SLC4A4: variants seen among roughly 807,000 people sequenced by gnomAD.
The protein encoded by SLC4A4 is solute carrier family 4 member 4.
In SLC4A4, 27 loss-of-function variants were observed where a neutral mutation model predicts 111.5. The ratio of observed to expected loss-of-function variants is 0.24; its 90% CI spans 0.18 to 0.33. The LOEUF (loss-of-function observed/expected upper bound fraction) is 0.33. Ranked by LOEUF, SLC4A4 falls within the 10% of genes least tolerant of loss-of-function variation. SLC4A4 has a pLI of 1.00. For missense variants in SLC4A4, 909 were observed against 1,315.5 expected (o/e 0.69, Z 4.78); for synonymous variants, 443 against 463.4 (o/e 0.96, Z 0.57).
intron 2 of SLC4A4, among the ~76,000 whole-genome samples, chr4:71,094,720 A>G (rs1377261952): frequency 6.6e-6 from 1 of 152,084 alleles, no homozygotes; most frequent in Non-Finnish European, 1.5e-5. Context: ...ACCATTTCAC[A>G]CTTTTGGGGG....
At chr4:71,256,242 G>C (rs1361002630) in intron 3 of SLC4A4, among the ~76,000 whole-genome samples, 3 of 152,190 alleles carry the variant, frequency 2.0e-5, no homozygotes, top group African/African-American at 7.2e-5. Context: ...CTTTGCTACA[G>C]TTGCAGAAAT....
chr4:71,259,734 G>A (rs1721710935), intron 3 of SLC4A4, among the ~76,000 whole-genome samples: 1 of 152,104 alleles, frequency 6.6e-6, no homozygotes, highest in African/African-American at 2.4e-5. Context: ...TGGAAACACA[G>A]CATACCTTCC....
chr4:71,429,604 T>C (rs1473377476), intron 7 of SLC4A4, among the ~76,000 whole-genome samples: 1 of 152,116 alleles, frequency 6.6e-6, no homozygotes, highest in Admixed American at 6.6e-5. Context: ...ACAAAATCAG[T>C]GAACTAGTCA....
At chr4:71,539,688 G>T (rs900853088) in intron 18 of SLC4A4, among the ~76,000 whole-genome samples, 2 of 152,144 alleles carry the variant, frequency 1.3e-5, no homozygotes, top group East Asian at 1.9e-4. Context: ...TTACTCTGTG[G>T]CACAGATCAC....
chr4:71,234,448 C>T (rs180823442), intron 1 of SLC4A4, among the ~76,000 whole-genome samples: 38 of 152,204 alleles, frequency 2.5e-4, no homozygotes, highest in Admixed American at 6.5e-4. Context: ...TTTTTTGAGA[C>T]GGAGTCTCAC....
intron 6 of SLC4A4, among the ~76,000 whole-genome samples, chr4:71,396,481 A>G (rs1188712452): frequency 1.3e-5 from 2 of 152,208 alleles, no homozygotes; most frequent in African/African-American, 4.8e-5. Flanking sequence ...TTTGGAAGCA[A>G]ATGTGAAGCT....
intron 21 of SLC4A4, among the ~76,000 whole-genome samples, chr4:71,556,789 G>A (rs1736511215): frequency 6.6e-6 from 1 of 151,918 alleles, no homozygotes. Flanking sequence ...CTTTAAGTAG[G>A]AAATCACTAG....
At chr4:71,322,656 A>C (rs1727205476) in intron 3 of SLC4A4, among the ~76,000 whole-genome samples, 1 of 152,024 alleles carries the variant, frequency 6.6e-6, no homozygotes, top group Non-Finnish European at 1.5e-5. Context: ...GTGATTCATC[A>C]TGTAAACCTT....
At chr4:71,165,520 AG>A (rs1744720443) in intron 2 of SLC4A4, among the ~76,000 whole-genome samples, 1 of 152,088 alleles carries the variant, frequency 6.6e-6, no homozygotes, top group African/African-American at 2.4e-5. Flanking sequence ...ACATGGACAC[AG>A]GGAGGCGAAC....
Position 71,362,418 on chromosome 4 carries a change from A to G in SLC4A4, c.730+5231A>G, listed in dbSNP as rs141667904. 3.2e-3 allele frequency among the ~76,000 whole-genome samples: 487 copies of G among 152,354 alleles called. 5 individuals are homozygous for G. Among genetic ancestry groups the G allele is most frequent in the East Asian group, 0.018 (93 of 5,182 alleles). On this transcript the variant is annotated intron_variant, in intron 6 of 25. Transcript: ENST00000264485. ...ATGAAAAGTAAGAAGAAATGTATAAAATGTTTAGAGTGGTAACTGGCACAT... is the reference window on the plus strand; with the variant it reads ...ATGAAAAGTAAGAAGAAATGTATAAGATGTTTAGAGTGGTAACTGGCACAT...
chr4:71,241,351 G>A (rs957102337), intron 2 of SLC4A4, among the ~76,000 whole-genome samples: 1 of 152,024 alleles, frequency 6.6e-6, no homozygotes, highest in Non-Finnish European at 1.5e-5. Context: ...TTTTTGAAGA[G>A]AGAGACTAAA....
intron 6 of SLC4A4, among the ~76,000 whole-genome samples, chr4:71,377,199 A>G (rs556163170): frequency 1.6e-4 from 24 of 152,244 alleles, no homozygotes; most frequent in Non-Finnish European, 2.1e-4. Flanking sequence ...TTCTGAGACC[A>G]AAAAGTTTGA....
chr4:71,483,450 T>C (rs1729073755), intron 14 of SLC4A4, among the ~76,000 whole-genome samples: 1 of 151,912 alleles, frequency 6.6e-6, no homozygotes. Flanking sequence ...CTGCATTCGT[T>C]TGCTAAGGAT....
chr4:71,491,373 A>G (rs1729890211), intron 15 of SLC4A4, among the ~76,000 whole-genome samples: 1 of 151,874 alleles, frequency 6.6e-6, no homozygotes, highest in Non-Finnish European at 1.5e-5. Context: ...AGATTACACC[A>G]CTTCATTGTA....
chr4:71,076,306 G>A lies in SLC4A4; in HGVS notation c.-65+13518G>A, dbSNP rs116136427. On this transcript the variant is annotated intron_variant, in intron 1 of 26. Transcript: ENST00000649996. Reference sequence around the variant, plus strand: ...AGCATTTTGTGAGGCTGAGCTGGGCGGATCAACGGAGGCCAGAAGTTCAAG... The same window carrying A: ...AGCATTTTGTGAGGCTGAGCTGGGCAGATCAACGGAGGCCAGAAGTTCAAG... 8.7e-3 allele frequency among the ~76,000 whole-genome samples: 1,326 copies of A among 152,168 alleles called. 22 individuals carry two copies. Among genetic ancestry groups the A allele is most frequent in the African/African-American group, 0.03 (1,252 of 41,512 alleles).
intron 11 of SLC4A4, among the ~76,000 whole-genome samples, chr4:71,452,632 T>G (rs534382634): frequency 1.3e-5 from 2 of 152,302 alleles, no homozygotes; most frequent in East Asian, 3.9e-4. Flanking sequence ...TAGGGCATTC[T>G]AGGCAGAAGC....
chr4:71,374,331 C>T (rs1732149728), intron 6 of SLC4A4, among the ~76,000 whole-genome samples: 2 of 152,108 alleles, frequency 1.3e-5, no homozygotes, highest in Admixed American at 1.3e-4. Context: ...AAAGCAATTC[C>T]AAGTACAACT....
At chr4:71,278,410 A>G (rs1391938761) in intron 3 of SLC4A4, among the ~76,000 whole-genome samples, 2 of 152,180 alleles carry the variant, frequency 1.3e-5, no homozygotes, top group Non-Finnish European at 1.5e-5. Context: ...GTGAGTGCCA[A>G]TATCCCTTTG....
chr4:71,382,797 G>A (rs1275014071), intron 6 of SLC4A4, among the ~76,000 whole-genome samples: 2 of 152,110 alleles, frequency 1.3e-5, no homozygotes, highest in African/African-American at 2.4e-5. Context: ...CCACCTTGTG[G>A]GGTATCTAAA....
Sources: allele counts gnomAD v4.1 joint callset (sites outside exome capture counted in the v4.1 genomes callset), GRCh38; gene constraint gnomAD v4.1.1; transcripts MANE v1.5; gene names NCBI Gene and HGNC (gene_info 2026-07-23, HGNC 2026-07-21).